Variants in DNM3 observed in about 807,000 individuals in gnomAD.
DNM3 encodes dynamin 3.
In DNM3, 47 loss-of-function variants were observed where a neutral mutation model predicts 101.6. The observed-to-expected ratio is 0.46, with a 90% confidence interval of 0.37 to 0.59. DNM3 has a LOEUF of 0.59. Ranked by LOEUF, DNM3 falls within the 20% of genes least tolerant of loss-of-function variation. The pLI is 0.00. For synonymous variants in DNM3, 385 were observed against 387.9 expected, an observed-to-expected ratio of 0.99 and a Z score of 0.09; for missense variants, 849 against 1,085.7, an observed-to-expected ratio of 0.78 and a Z score of 3.06.
At chr1:172,105,075 G>T (rs1264761774) in intron 13 of DNM3, among the ~76,000 whole-genome samples, 1 of 151,900 alleles carries the variant, frequency 6.6e-6, no homozygotes, top group Non-Finnish European at 1.5e-5. Context: ...AGTTACTATG[G>T]GCTATTATTA....
At chr1:171,891,359 A>C (rs1225189369) in intron 1 of DNM3, among the ~76,000 whole-genome samples, 3 of 151,144 alleles carry the variant, frequency 2.0e-5, no homozygotes, top group Admixed American at 6.6e-5. Flanking sequence ...AAAAAAAAAA[A>C]CAGAAAAATT....
chr1:172,365,995 T>C (rs1048365211), intron 17 of DNM3, among the ~76,000 whole-genome samples: 2 of 151,958 alleles, frequency 1.3e-5, no homozygotes, highest in African/African-American at 4.8e-5. Flanking sequence ...GTTCAGAGGC[T>C]TAAGCAGGAG....
chr1:172,357,666 T>C (rs2067521351), intron 17 of DNM3, among the ~76,000 whole-genome samples: 1 of 152,108 alleles, frequency 6.6e-6, no homozygotes, highest in Admixed American at 6.6e-5. Context: ...ACAATGTCAA[T>C]TTCCTTATCT....
chr1:172,148,297 AT>A (rs201953058), intron 14 of DNM3, among the ~76,000 whole-genome samples: 14,024 of 143,618 alleles, frequency 0.098, 756 homozygotes, highest in East Asian at 0.29. Context: ...ATATATTTGT[AT>A]TTTTTTTTTT....
intron 1 of DNM3, among the ~76,000 whole-genome samples, chr1:171,905,628 T>G (rs2038758433): frequency 6.6e-6 from 1 of 152,128 alleles, no homozygotes; most frequent in South Asian, 2.1e-4. Context: ...TTACTTCATG[T>G]AAGACTAGAT....
At position 172,062,720 on chromosome 1, in the gene DNM3, C is replaced by A. The variant is rs919131808; in HGVS notation, c.1336-6099C>A. Among the ~76,000 whole-genome samples the A allele has an allele frequency of 8.5e-5, 13 of 152,272 alleles. No individual in the cohort carries two copies. In the East Asian group the frequency reaches 2.1e-3, roughly 25 times the overall value. The stretch of plus-strand genomic sequence containing the variant: ...CACTCATATGCCAATGTAGAACACC[C>A]CATAAGGAACTTTCCCATTAACCCC... On this transcript the variant is annotated intron_variant, in intron 10 of 20. Transcript: ENST00000627582.
chr1:172,324,268 C>A (rs2065851974), intron 17 of DNM3, among the ~76,000 whole-genome samples: 2 of 152,132 alleles, frequency 1.3e-5, no homozygotes, highest in Admixed American at 6.6e-5. Context: ...TGAAAAGAAT[C>A]TGTTATATAA....
chr1:172,069,538 T>C (rs575870302), intron 11 of DNM3, among the ~76,000 whole-genome samples: 4 of 152,344 alleles, frequency 2.6e-5, no homozygotes, highest in Admixed American at 2.6e-4. Context: ...GTGAGGATAA[T>C]TCATTTAAAA....
chr1:171,986,653 TG>T (rs1464953851), intron 2 of DNM3, among the ~76,000 whole-genome samples: 1 of 149,292 alleles, frequency 6.7e-6, no homozygotes. Flanking sequence ...TTTTTTGAGA[TG>T]GGGTCTCACT....
intron 15 of DNM3, among the ~76,000 whole-genome samples, chr1:172,262,356 T>C (rs1308659691): frequency 6.6e-6 from 1 of 152,132 alleles, no homozygotes; most frequent in Non-Finnish European, 1.5e-5. Flanking sequence ...AGAATGCAGC[T>C]TGGTGGGGTG....
intron 17 of DNM3, among the ~76,000 whole-genome samples, chr1:172,335,950 T>A (rs1240725329): frequency 6.6e-6 from 1 of 152,062 alleles, no homozygotes; most frequent in African/African-American, 2.4e-5. Flanking sequence ...AAATAAAAGT[T>A]GAAGTCAAAA....
At chr1:171,950,674 TG>T (rs2042463339) in intron 2 of DNM3, among the ~76,000 whole-genome samples, 1 of 152,142 alleles carries the variant, frequency 6.6e-6, no homozygotes, top group Non-Finnish European at 1.5e-5. Flanking sequence ...TGGTGGAGGA[TG>T]GGAAATGGTT....
intron 17 of DNM3, among the ~76,000 whole-genome samples, chr1:172,332,272 C>A (rs76517253): frequency 0.061 from 9,345 of 152,218 alleles, 340 homozygotes; most frequent in Middle Eastern, 0.11. Flanking sequence ...GCTGCATATT[C>A]ATCTGAACAT....
At chr1:172,253,749 A>C in intron 15 of DNM3, 67 bp downstream of exon 15, 1 of 1,022,478 alleles carries the variant, frequency 9.8e-7, no homozygotes, top group Non-Finnish European at 1.4e-6. Flanking sequence ...TTCAGAGATC[A>C]TATTTGAAAA....
At chr1:172,219,276 C>T (rs1219986171) in intron 14 of DNM3, among the ~76,000 whole-genome samples, 4 of 149,772 alleles carry the variant, frequency 2.7e-5, no homozygotes, top group Non-Finnish European at 5.9e-5. Flanking sequence ...GTGAGAAGAT[C>T]GCTTGAACCC....
intron 20 of DNM3, among the ~76,000 whole-genome samples, chr1:172,400,347 A>G (rs565552695): frequency 2.0e-5 from 3 of 152,220 alleles, no homozygotes; most frequent in South Asian, 2.1e-4. Flanking sequence ...TCTACAGCAC[A>G]TAAGTTTCTG....
intron 4 of DNM3, among the ~76,000 whole-genome samples, chr1:172,010,253 GAAATATTCTGC>G (rs1182818003): frequency 6.6e-6 from 1 of 151,790 alleles, no homozygotes; most frequent in Non-Finnish European, 1.5e-5. Context: ...AAATGAGAAA[GAAATATTCTGC>G]ATTTATCCAT....
chr1:172,249,596 A>C (rs1263959112), intron 14 of DNM3, among the ~76,000 whole-genome samples: 2 of 152,106 alleles, frequency 1.3e-5, no homozygotes, highest in Admixed American at 6.6e-5. Flanking sequence ...TATGAAGAAA[A>C]GAATGGTGTT....
At chr1:172,328,990 G>A (rs191460168) in intron 17 of DNM3, among the ~76,000 whole-genome samples, 99 of 152,124 alleles carry the variant, frequency 6.5e-4, no homozygotes, top group African/African-American at 2.3e-3. Flanking sequence ...GATTTTAAAA[G>A]TTACCTTGTG....
Sources: allele counts gnomAD v4.1 joint callset (sites outside exome capture counted in the v4.1 genomes callset), GRCh38; gene constraint gnomAD v4.1.1; transcripts MANE v1.5; gene names NCBI Gene and HGNC (gene_info 2026-07-23, HGNC 2026-07-21).